The following USP8 variants were observed in gnomAD, a reference collection of about 807,000 sequenced individuals.
USP8 encodes ubiquitin specific peptidase 8.
In USP8, 27 loss-of-function variants were observed where a neutral mutation model predicts 130.0. The observed-to-expected ratio is 0.21, with a 90% CI of 0.15 to 0.29. The LOEUF (loss-of-function observed/expected upper bound fraction) is 0.29, where lower values mean the gene tolerates loss of function less well. USP8 is among the 10% of genes least tolerant of loss of function. The pLI, the probability that USP8 is intolerant of heterozygous loss-of-function variation, is 1.00. For missense variants in USP8, 1,029 were observed against 1,312.2 expected (o/e 0.78, Z 3.33); for synonymous variants, 392 against 444.1 (o/e 0.88, Z 1.48).
In USP8 at chr15:50,500,081, A is replaced by ACACT. The variant is rs1555393651; in HGVS notation, c.*995_*998dup. On this transcript the variant is annotated 3_prime_UTR_variant, in exon 20 of 20. Transcript: ENST00000307179. Reference sequence around the variant, plus strand: ...AGTTGCTATATATATAGTCAGTAAAACACTCCATATAAAAATAAGATTCTA... The same window carrying ACACT: ...AGTTGCTATATATATAGTCAGTAAAACACTCACTCCATATAAAAATAAGATTCTA... 6.6e-6 allele frequency: 1 copy of ACACT among 152,166 alleles called. No individual in the cohort carries two copies. Among genetic ancestry groups the ACACT allele is most frequent in the Non-Finnish European group, 1.5e-5 (1 of 68,044 alleles). The allele number at this position is 152,166 out of a possible 1,614,324, so 9.4% of individuals were successfully genotyped here.
At chr15:50,481,383 C>T (rs765379498) in intron 10 of USP8, 98 bp from the exon 11 acceptor site, 14 of 892,114 alleles carry the variant, frequency 1.6e-5, no homozygotes, top group Non-Finnish European at 2.1e-5. Context: ...ATGTTGTCTC[C>T]ACAAAGTGAC....
intron 2 of USP8, among the ~76,000 whole-genome samples, chr15:50,440,969 C>G (rs2050237620): frequency 6.6e-6 from 1 of 151,116 alleles, no homozygotes; most frequent in South Asian, 2.1e-4. Flanking sequence ...CCATTGCACT[C>G]CAGCCTGGGC....
At chr15:50,484,409 G>A (rs758191501) in intron 12 of USP8, 48 bp downstream of exon 12, 46 of 1,408,650 alleles carry the variant, frequency 3.3e-5, no homozygotes, top group Non-Finnish European at 4.6e-5. Flanking sequence ...GCCAAACATG[G>A]ATTATAACTA....
chr15:50,477,851 A>AG (rs1428661928), intron 10 of USP8, among the ~76,000 whole-genome samples: 1 of 152,150 alleles, frequency 6.6e-6, no homozygotes, highest in African/African-American at 2.4e-5. Flanking sequence ...AAAAAAAAAA[A>AG]AGAATTAAAT....
Position 50,449,277 on chromosome 15 carries a change from A to G in USP8, c.250-123A>G, listed in dbSNP as rs2050538474. ...TTACATAGGTTAAAAGTTTTTAAAA[A>G]TCTTCCATTGTAATAAAACAAACTT... On this transcript the variant is annotated intron_variant, in intron 3 of 19. Coordinates refer to ENST00000307179, the MANE Select transcript of USP8 (RefSeq NM_005154.5). 8.1e-6 allele frequency: 4 copies of G among 495,828 alleles called. No homozygotes were observed. In the Admixed American group the frequency reaches 1.7e-4, roughly 21 times the overall value. 30.7% of individuals were successfully genotyped at this position (495,828 alleles called of 1,614,324 possible).
intron 7 of USP8, chr15:50,466,896 C>T (rs1369934931): frequency 1.9e-5 from 8 of 414,506 alleles, no homozygotes; most frequent in South Asian, 1.5e-4. Flanking sequence ...AGTGAAAGGA[C>T]CAGTTCAAAT....
chr15:50,445,254 T>TA (rs1490001401), intron 3 of USP8, among the ~76,000 whole-genome samples: 1 of 151,766 alleles, frequency 6.6e-6, no homozygotes, highest in Non-Finnish European at 1.5e-5. Flanking sequence ...TAGAAAATGT[T>TA]AGAGATTTAG....
At chr15:50,489,159 T>C (rs556078986) in intron 12 of USP8, among the ~76,000 whole-genome samples, 1 of 152,316 alleles carries the variant, frequency 6.6e-6, no homozygotes, top group South Asian at 2.1e-4. Context: ...ATATATTGGC[T>C]TGTTTTTACT....
chr15:50,455,237 A>G (rs917053331), intron 4 of USP8, among the ~76,000 whole-genome samples: 6 of 151,036 alleles, frequency 4.0e-5, no homozygotes, highest in Non-Finnish European at 7.4e-5. Flanking sequence ...CACCAGGCCC[A>G]GTTAGTTTTT....
rs2051763488 is a variant in USP8 at position 50,481,429 on chromosome 15, G to T, written c.1219-52G>T. The T allele has an allele frequency of 4.5e-6, 6 of 1,340,334 alleles. No individual in the cohort carries two copies. The East Asian group carries it at 1.5e-4, about 34-fold the overall frequency. The allele number at this position is 1,340,334 out of a possible 1,614,324, so 83.0% of individuals were successfully genotyped here. A position where few individuals can be genotyped will look rare whatever the true frequency, so the allele number is the denominator to read the frequency against. On this transcript the variant is annotated intron_variant, in intron 10 of 19. Transcript: ENST00000307179. ...TCACAACTTGATCTCAAGAACTGAG[G>T]TTATTTCCTGATTTTTGACAAAAAT...
chr15:50,493,880 A>G (rs1361812420), intron 15 of USP8, 190 bp from the exon 16 acceptor site: 1 of 763,958 alleles, frequency 1.3e-6, no homozygotes, highest in Admixed American at 1.9e-5. Context: ...CAGCCAAAAG[A>G]AGGAAGCTGA....
chr15:50,438,534 G>A (rs1344026362), intron 1 of USP8, among the ~76,000 whole-genome samples: 1 of 152,168 alleles, frequency 6.6e-6, no homozygotes, highest in Non-Finnish European at 1.5e-5. Context: ...ACAGTAAGCC[G>A]AGATTGTGCC....
chr15:50,476,595 G>A (rs1272148096), intron 8 of USP8, among the ~76,000 whole-genome samples: 1 of 152,104 alleles, frequency 6.6e-6, no homozygotes, highest in Admixed American at 6.6e-5. Flanking sequence ...GAGGTTATGG[G>A]TCATTTTTGT....
At chr15:50,427,244 ATTTC>A (rs2141241108) in intron 1 of USP8, among the ~76,000 whole-genome samples, 1 of 152,126 alleles carries the variant, frequency 6.6e-6, no homozygotes, top group Admixed American at 6.5e-5. Flanking sequence ...CCCATTTCCA[ATTTC>A]TTTAACCGTA....
chr15:50,434,089 C>G (rs1378462715), intron 1 of USP8, among the ~76,000 whole-genome samples: 1 of 144,088 alleles, frequency 6.9e-6, no homozygotes, highest in African/African-American at 2.5e-5. Flanking sequence ...TGCAATCCTT[C>G]TTGAAGCATA....
chr15:50,440,993 C>A (rs192556540), intron 2 of USP8, among the ~76,000 whole-genome samples: 3 of 139,718 alleles, frequency 2.1e-5, no homozygotes, highest in Non-Finnish European at 4.6e-5. Context: ...AAGAGCTAGA[C>A]CCCATCTCAA....
At chr15:50,497,321 A>G in intron 18 of USP8, 90 bp downstream of exon 18, 1 of 1,459,868 alleles carries the variant, frequency 6.8e-7, no homozygotes, top group Non-Finnish European at 9.1e-7. Context: ...ACTGCCTGCC[A>G]TGGGCACATA....
intron 4 of USP8, among the ~76,000 whole-genome samples, chr15:50,452,252 T>G (rs921289052): frequency 2.6e-5 from 4 of 152,184 alleles, no homozygotes; most frequent in Admixed American, 1.3e-4. Flanking sequence ...GTTACATTCA[T>G]GTTAGGGGAG....
chr15:50,474,778 C>G (rs1229238234), intron 8 of USP8, among the ~76,000 whole-genome samples: 1 of 152,098 alleles, frequency 6.6e-6, no homozygotes, highest in African/African-American at 2.4e-5. Flanking sequence ...TTTTTAGTAC[C>G]TTGATGTCAA....
Sources: gnomAD v4.1 joint callset for allele counts (sites outside exome capture counted in the v4.1 genomes callset) on GRCh38, gnomAD v4.1.1 for gene constraint, MANE v1.5 for transcripts, NCBI Gene and HGNC (gene_info 2026-07-23, HGNC 2026-07-21) for gene names.